The following ENAH variants were observed in gnomAD, a reference collection of about 807,000 sequenced individuals.
ENAH encodes protein enabled homolog.
A neutral mutation model predicts 78.7 loss-of-function variants in ENAH; 23 were observed. The observed-to-expected ratio is 0.29, with a 90% confidence interval of 0.21 to 0.41. The LOEUF is 0.41. ENAH is among the 10% of genes least tolerant of loss of function. ENAH has a pLI of 1.00. For synonymous variants in ENAH, 226 were observed against 241.0 expected (o/e 0.94, Z 0.58); for missense variants, 544 against 691.0 (o/e 0.79, Z 2.39).
chr1:225,564,659 G>A (rs1004375817), intron 2 of ENAH, among the ~76,000 whole-genome samples: 6 of 151,836 alleles, frequency 4.0e-5, no homozygotes, highest in African/African-American at 1.5e-4. Flanking sequence ...GGCTGGTCTT[G>A]AACTCTTGGG....
intron 1 of ENAH, chr1:225,652,458 G>A: frequency 9.3e-6 from 9 of 969,662 alleles, no homozygotes; most frequent in Non-Finnish European, 1.1e-5. Context: ...AGCATTTGAG[G>A]AAAAATGAGA....
chr1:225,615,576 G>A (rs941993746), intron 1 of ENAH, among the ~76,000 whole-genome samples: 2 of 151,680 alleles, frequency 1.3e-5, no homozygotes, highest in Non-Finnish European at 2.9e-5. Context: ...CTTCCCGGCT[G>A]CCAGCCCGTC....
chr1:225,494,257 G>C lies in ENAH; in HGVS notation c.*3518C>G, dbSNP rs894830051. The C allele has an allele frequency of 6.6e-6, 1 of 151,810 alleles. No individual in the cohort carries two copies. Among genetic ancestry groups the C allele is most frequent in the African/African-American group, 2.4e-5 (1 of 41,322 alleles). The allele number at this position is 151,810 out of a possible 1,614,324, so 9.4% of individuals were successfully genotyped here. A position where few individuals can be genotyped will look rare whatever the true frequency, so the allele number is the denominator to read the frequency against. On this transcript the variant is annotated 3_prime_UTR_variant, in exon 14 of 14. Coordinates refer to ENST00000366843, the MANE Select transcript of ENAH (RefSeq NM_018212.6). The stretch of plus-strand genomic sequence containing the variant: ...TTTTGTATTTCTAATGAAGACATCA[G>C]AATTATAAAATGGAACTCAAAATTA...
intron 1 of ENAH, among the ~76,000 whole-genome samples, chr1:225,571,372 CAAAAAAAAA>C (rs941412935): frequency 2.7e-5 from 4 of 146,384 alleles, no homozygotes; most frequent in East Asian, 2.0e-4. Context: ...GACTCTGTCT[CAAAAAAAAA>C]GAAAAAAAAG....
intron 1 of ENAH, among the ~76,000 whole-genome samples, chr1:225,636,505 TTAAAG>T (rs1214692068): frequency 1.3e-5 from 2 of 152,228 alleles, no homozygotes; most frequent in African/African-American, 4.8e-5. Flanking sequence ...ATAAAATTGT[TTAAAG>T]TACTGTCCCA....
rs6670404 is a variant in ENAH at position 225,601,476 on chromosome 1, C to G, written c.6-34062G>C. Reference sequence around the variant, plus strand: ...GGGCTTGCAGTGAGCCAAGATGGCGCCACTGCACGCCAGCCTGGGTGACAG... The same window carrying G: ...GGGCTTGCAGTGAGCCAAGATGGCGGCACTGCACGCCAGCCTGGGTGACAG... On this transcript the variant is annotated intron_variant, in intron 1 of 13. Coordinates refer to ENST00000366843, the MANE Select transcript of ENAH (RefSeq NM_018212.6). Among the ~76,000 whole-genome samples, 969 of 151,484 alleles carry G rather than the reference C, an allele frequency of 6.4e-3. 7 individuals are homozygous for G. Among genetic ancestry groups the G allele is most frequent in the African/African-American group, 0.022 (901 of 41,334 alleles).
intron 7 of ENAH, 44 bp downstream of exon 7, chr1:225,514,552 G>T (rs1336181139): frequency 2.3e-6 from 3 of 1,310,716 alleles, no homozygotes; most frequent in Non-Finnish European, 3.3e-6. Flanking sequence ...AGATATTTAG[G>T]AAGAATAAGA....
Position 225,488,143 on chromosome 1 carries a change from T to C in ENAH, c.*9632A>G, listed in dbSNP as rs1337649950. On this transcript the variant is annotated 3_prime_UTR_variant, in exon 14 of 14. Coordinates refer to ENST00000366843, the MANE Select transcript of ENAH (RefSeq NM_018212.6). ...TACAAAGGGGCAGCAGACAGCACAA[T>C]AGTCAAGGACAAGGTTTTTATTTAT... The C allele has an allele frequency of 3.9e-5, 6 of 152,154 alleles. No homozygotes were observed. Among genetic ancestry groups the C allele is most frequent in the Non-Finnish European group, 7.3e-5 (5 of 68,046 alleles). 9.4% of individuals were successfully genotyped at this position (152,154 alleles called of 1,614,324 possible).
chr1:225,563,140 G>A (rs1204349654), intron 2 of ENAH, among the ~76,000 whole-genome samples: 1 of 152,198 alleles, frequency 6.6e-6, no homozygotes, highest in Admixed American at 6.5e-5. Flanking sequence ...TACTGATCAC[G>A]TAACCAGCAA....
chr1:225,605,622 T>A (rs2096952259), intron 1 of ENAH, among the ~76,000 whole-genome samples: 1 of 152,244 alleles, frequency 6.6e-6, no homozygotes. Flanking sequence ...TGTTATGTGC[T>A]GAGCTGTGCC....
intron 1 of ENAH, among the ~76,000 whole-genome samples, chr1:225,644,022 T>A (rs985517348): frequency 6.6e-6 from 1 of 151,924 alleles, no homozygotes; most frequent in African/African-American, 2.4e-5. Flanking sequence ...ACAAATATAG[T>A]ATAATTCCAT....
chr1:225,601,543 G>A (rs958525812), intron 1 of ENAH, among the ~76,000 whole-genome samples: 2 of 150,904 alleles, frequency 1.3e-5, no homozygotes, highest in East Asian at 3.9e-4. Context: ...AAAAAGAGAA[G>A]GTTCCAATTA....
intron 1 of ENAH, among the ~76,000 whole-genome samples, chr1:225,651,460 C>A (rs1487165146): frequency 6.6e-6 from 1 of 152,084 alleles, no homozygotes; most frequent in Non-Finnish European, 1.5e-5. Flanking sequence ...ATTCCAATGA[C>A]ATGACATTTT....
intron 2 of ENAH, among the ~76,000 whole-genome samples, chr1:225,557,694 G>A (rs1041202864): frequency 6.6e-6 from 1 of 152,122 alleles, no homozygotes; most frequent in Non-Finnish European, 1.5e-5. Context: ...GGTGGCATGT[G>A]CCTGTAATCC....
chr1:225,639,705 AACACACACACACACACAC>A (rs374646635), intron 1 of ENAH, among the ~76,000 whole-genome samples: 2 of 138,552 alleles, frequency 1.4e-5, no homozygotes, highest in South Asian at 4.7e-4. Context: ...GGCGGGATTA[AACACACACACACACACAC>A]ACACACACAC....
chr1:225,653,869 T>C (rs915837365), upstream of ENAH, among the ~76,000 whole-genome samples: 2 of 152,184 alleles, frequency 1.3e-5, no homozygotes, highest in African/African-American at 4.8e-5. This position sits in a 1 kb window ranked among gnomAD's most constrained non-coding sequence, Gnocchi z 4.3. Flanking sequence ...CTCCTTTTCT[T>C]CCCGAGGAAT....
intron 1 of ENAH, among the ~76,000 whole-genome samples, chr1:225,572,475 T>C (rs2096768032): frequency 6.6e-6 from 1 of 152,196 alleles, no homozygotes; most frequent in African/African-American, 2.4e-5. Flanking sequence ...TTAAATGCAA[T>C]AACTTGAGCT....
chr1:225,558,819 G>A (rs476004), intron 2 of ENAH, among the ~76,000 whole-genome samples: 1 of 151,854 alleles, frequency 6.6e-6, no homozygotes, highest in Non-Finnish European at 1.5e-5. Flanking sequence ...ATTTTTAGTA[G>A]AGACAGAGTT....
chr1:225,518,934 C>A (rs1002495668), intron 5 of ENAH: 14 of 476,946 alleles, frequency 2.9e-5, no homozygotes, highest in Non-Finnish European at 4.7e-5. Flanking sequence ...CACTTTATAG[C>A]CATTTTATAG....
Sources: gnomAD v4.1 joint callset for allele counts (sites outside exome capture counted in the v4.1 genomes callset) on GRCh38, gnomAD v4.1.1 for gene constraint, Gnocchi (gnomAD v3.1) non-coding constraint, MANE v1.5 for transcripts, NCBI Gene and HGNC (gene_info 2026-07-23, HGNC 2026-07-21) for gene names.